The following SENP7 variants were observed in gnomAD, a reference collection of about 807,000 sequenced individuals.
The protein encoded by SENP7 is sentrin-specific protease 7.
Under a neutral mutation model 141.2 loss-of-function variants are expected in SENP7, and 64 were observed. The observed-to-expected ratio is 0.45, with a 90% CI of 0.37 to 0.56. The LOEUF is 0.56. SENP7 is among the 20% of genes least tolerant of loss of function. The pLI is 0.00. For missense variants in SENP7, 1,025 were observed against 1,212.2 expected (o/e 0.85, Z 2.29); for synonymous variants, 382 against 426.4 (o/e 0.90, Z 1.28).
At chr3:101,344,813 CAG>C (rs769838406) in intron 13 of SENP7, among the ~76,000 whole-genome samples, 6 of 151,776 alleles carry the variant, frequency 4.0e-5, no homozygotes, top group African/African-American at 1.5e-4. Flanking sequence ...CAAATTCTGT[CAG>C]AGTTTGTCAT....
chr3:101,491,190 A>G (rs2064955236), intron 3 of SENP7, among the ~76,000 whole-genome samples: 1 of 150,546 alleles, frequency 6.6e-6, no homozygotes, highest in African/African-American at 2.4e-5. Context: ...TGGCACAATC[A>G]TAGCTTTCTT....
In SENP7 at chr3:101,458,949, T is replaced by C. The variant is rs73865636; in HGVS notation, c.284+6A>G. 14 of 1,564,234 alleles carry C rather than the reference T, an allele frequency of 9.0e-6. No homozygotes were observed. Among genetic ancestry groups the C allele is most frequent in the Non-Finnish European group, 1.1e-5 (13 of 1,137,262 alleles). Reference sequence around the variant, plus strand: ...CCATACTATGTCGCACACACACATATCTTACCTTTCTGGTGATGACTTGGA... The same window carrying C: ...CCATACTATGTCGCACACACACATACCTTACCTTTCTGGTGATGACTTGGA... On this transcript the variant is annotated splice_donor_region_variant and intron_variant, in intron 4 of 23. Transcript: ENST00000394095.
intron 2 of SENP7, among the ~76,000 whole-genome samples, chr3:101,498,315 A>G (rs2065238971): frequency 6.6e-6 from 1 of 152,172 alleles, no homozygotes; most frequent in South Asian, 2.1e-4. Context: ...ACAATGGAGG[A>G]AACAGGCAGA....
chr3:101,341,834 A>G, intron 14 of SENP7, 55 bp from the exon 15 acceptor site: 1 of 1,512,526 alleles, frequency 6.6e-7, no homozygotes, highest in East Asian at 2.3e-5. Flanking sequence ...TCAAAAGAAC[A>G]AAGTCAAAAC....
At chr3:101,432,999 T>C (rs9822995) in intron 4 of SENP7, among the ~76,000 whole-genome samples, 2 of 152,174 alleles carry the variant, frequency 1.3e-5, no homozygotes, top group East Asian at 3.9e-4. Context: ...ACTACTCTTA[T>C]CCTACGTAGA....
At chr3:101,448,563 G>T (rs191417145) in intron 4 of SENP7, among the ~76,000 whole-genome samples, 1 of 97,734 alleles carries the variant, frequency 1.0e-5, no homozygotes, top group African/African-American at 4.6e-5. Flanking sequence ...CATTCCTCTG[G>T]AAGTTTTGTC....
At position 101,366,506 on chromosome 3, in the gene SENP7, A is replaced by C; in HGVS notation, c.1242T>G (p.Asn414Lys). ...GISSLVEKDE[N>K]ELNTIEKPIL... ...TAGGCTTTTCTATGGTATTCAACTC[A>C]TTCTCATCCTTCTCAACCAGGGAAG... Residue 414 changes from asparagine to lysine, a missense_variant, in exon 9 of 24, where the codon AAT becomes AAG. By Grantham distance (94) the Asn-to-Lys change is moderately conservative (BLOSUM62 0). Coordinates refer to ENST00000394095, the MANE Select transcript of SENP7 (RefSeq NM_020654.5). 6.2e-7 allele frequency: 1 copy of C among 1,613,890 alleles called. No individual in the cohort carries two copies. Among genetic ancestry groups the C allele is most frequent in the Non-Finnish European group, 8.5e-7 (1 of 1,179,808 alleles).
At chr3:101,478,159 T>C (rs574582995) in intron 3 of SENP7, among the ~76,000 whole-genome samples, 5 of 152,118 alleles carry the variant, frequency 3.3e-5, no homozygotes, top group Non-Finnish European at 5.9e-5. Flanking sequence ...TCTGGACACA[T>C]ACAACCTATC....
At chr3:101,376,173 A>C (rs1323155397) in intron 6 of SENP7, among the ~76,000 whole-genome samples, 1 of 152,164 alleles carries the variant, frequency 6.6e-6, no homozygotes. Flanking sequence ...AGAAAGTAGA[A>C]TGGTGATTGC....
chr3:101,350,712 G>A (rs2059591762), intron 12 of SENP7, among the ~76,000 whole-genome samples: 1 of 151,976 alleles, frequency 6.6e-6, no homozygotes, highest in Admixed American at 6.6e-5. Flanking sequence ...ACTATAAACT[G>A]TAGTGCTATC....
chr3:101,358,201 C>T, intron 11 of SENP7: 3 of 658,206 alleles, frequency 4.6e-6, no homozygotes, highest in Non-Finnish European at 5.0e-6. Context: ...AAAACCTTCA[C>T]CTGGTTTAGT....
At chr3:101,351,368 T>C (rs544620550) in intron 12 of SENP7, among the ~76,000 whole-genome samples, 1 of 151,884 alleles carries the variant, frequency 6.6e-6, no homozygotes, top group Admixed American at 6.6e-5. Context: ...TACCAAAATA[T>C]TGTTGCTATC....
At chr3:101,328,386 C>T in intron 22 of SENP7, 92 bp downstream of exon 22, 13 of 780,768 alleles carry the variant, frequency 1.7e-5, no homozygotes, top group Non-Finnish European at 2.6e-5. Context: ...AATATAATTC[C>T]TGATATAGTC....
chr3:101,446,422 C>T (rs972113647), intron 4 of SENP7, among the ~76,000 whole-genome samples: 3 of 152,214 alleles, frequency 2.0e-5, no homozygotes, highest in Non-Finnish European at 4.4e-5. Context: ...ATAGACCTAA[C>T]AGACATTTAC....
chr3:101,376,536 A>C (rs2060333971), intron 6 of SENP7, among the ~76,000 whole-genome samples: 1 of 152,184 alleles, frequency 6.6e-6, no homozygotes, highest in South Asian at 2.1e-4. Context: ...GGCAAACAGC[A>C]AAAAACCAAA....
chr3:101,468,700 T>C (rs2063857699), intron 3 of SENP7, among the ~76,000 whole-genome samples: 1 of 152,150 alleles, frequency 6.6e-6, no homozygotes, highest in Non-Finnish European at 1.5e-5. Context: ...CAAGAGCTCC[T>C]GAAGGAAGCA....
chr3:101,449,988 C>A (rs538513680), intron 4 of SENP7, among the ~76,000 whole-genome samples: 2 of 152,102 alleles, frequency 1.3e-5, no homozygotes, highest in African/African-American at 2.4e-5. Flanking sequence ...CAGAGACACA[C>A]ATAGGCTCAA....
rs2059025926 is a variant in SENP7 at position 101,330,698 on chromosome 3, CAGA to C, written c.2699-315_2699-313del. Among the ~76,000 whole-genome samples the C allele has an allele frequency of 2.6e-5, 4 of 152,156 alleles. No homozygotes were observed. In the South Asian group the frequency reaches 8.3e-4, roughly 32 times the overall value. On this transcript the variant is annotated intron_variant, in intron 19 of 23. Coordinates refer to ENST00000394095, the MANE Select transcript of SENP7 (RefSeq NM_020654.5). Reference sequence around the variant, plus strand: ...TAATCAAAATGTCTGCTATTTAATGCAGAAGGTAGTTAATCTGCCTAATAATGG... The same window carrying C: ...TAATCAAAATGTCTGCTATTTAATGCAGGTAGTTAATCTGCCTAATAATGG...
intron 6 of SENP7, among the ~76,000 whole-genome samples, chr3:101,394,552 G>A (rs900366732): frequency 2.7e-5 from 4 of 150,044 alleles, no homozygotes; most frequent in Non-Finnish European, 4.4e-5. Flanking sequence ...TGGCTCTGTC[G>A]CCCAGGCTGG....
Sources: gnomAD v4.1 joint callset for allele counts (sites outside exome capture counted in the v4.1 genomes callset) on GRCh38, gnomAD v4.1.1 for gene constraint, MANE v1.5 for transcripts, NCBI Gene and HGNC (gene_info 2026-07-23, HGNC 2026-07-21) for gene names.